Variants in SORCS1 observed in about 807,000 individuals in gnomAD.
The protein encoded by SORCS1 is sortilin related VPS10 domain containing receptor 1.
In SORCS1, 60 loss-of-function variants were observed where a neutral mutation model predicts 146.1. That is an observed-to-expected ratio of 0.41 (90% CI 0.33 to 0.51). SORCS1 has a LOEUF of 0.51. Ranked by LOEUF, SORCS1 falls within the 20% of genes least tolerant of loss-of-function variation. The probability of loss-of-function intolerance (pLI) is 0.21; values close to 1 mark genes in which losing one functional copy is unlikely to be tolerated. For missense variants in SORCS1, 1,352 were observed against 1,487.6 expected (o/e 0.91, Z 1.50); for synonymous variants, 637 against 584.0 (o/e 1.09, Z -1.31).
intron 1 of SORCS1, among the ~76,000 whole-genome samples, chr10:107,040,863 C>T (rs934720149): frequency 2.0e-5 from 3 of 152,090 alleles, no homozygotes; most frequent in Non-Finnish European, 2.9e-5. Flanking sequence ...ATGTCAATAC[C>T]TTTTAACCCA....
chr10:107,039,091 A>G (rs1399021118), intron 1 of SORCS1, among the ~76,000 whole-genome samples: 2 of 152,186 alleles, frequency 1.3e-5, no homozygotes, highest in East Asian at 3.9e-4. Flanking sequence ...GCACTTTGGG[A>G]GGCTGAGGCG....
intron 8 of SORCS1, among the ~76,000 whole-genome samples, chr10:106,705,684 A>T (rs1415738552): frequency 6.6e-6 from 1 of 152,156 alleles, no homozygotes; most frequent in Non-Finnish European, 1.5e-5. Flanking sequence ...TACAGTTCCT[A>T]GTCACTTCAA....
At chr10:106,815,912 T>A (rs967132894) in intron 3 of SORCS1, among the ~76,000 whole-genome samples, 2 of 152,218 alleles carry the variant, frequency 1.3e-5, no homozygotes, top group African/African-American at 4.8e-5. Context: ...TCTGTCAAGC[T>A]TTAACTTGCT....
chr10:106,920,591 T>G (rs957756729), intron 2 of SORCS1, among the ~76,000 whole-genome samples: 2 of 152,108 alleles, frequency 1.3e-5, no homozygotes, highest in Non-Finnish European at 2.9e-5. Context: ...AAAGGACGTG[T>G]GGTCATCTGC....
chr10:107,024,047 G>A (rs1340980760), intron 1 of SORCS1, among the ~76,000 whole-genome samples: 3 of 152,022 alleles, frequency 2.0e-5, no homozygotes, highest in Non-Finnish European at 4.4e-5. Flanking sequence ...GGTGGCGTAT[G>A]CCTGTAGTCC....
chr10:107,008,430 T>A (rs991075488), intron 1 of SORCS1, among the ~76,000 whole-genome samples: 1 of 152,210 alleles, frequency 6.6e-6, no homozygotes, highest in Non-Finnish European at 1.5e-5. Context: ...GCAAAGATAA[T>A]TCAAATACCT....
intron 1 of SORCS1, among the ~76,000 whole-genome samples, chr10:107,040,202 C>T (rs1959092622): frequency 6.6e-6 from 1 of 152,210 alleles, no homozygotes; most frequent in East Asian, 1.9e-4. Context: ...AGAGTAACAC[C>T]CTACTCTATG....
At chr10:106,905,767 T>C (rs570728273) in intron 2 of SORCS1, among the ~76,000 whole-genome samples, 3 of 152,216 alleles carry the variant, frequency 2.0e-5, no homozygotes, top group East Asian at 3.9e-4. Context: ...TTTACACAAG[T>C]GTGCCTGTAT....
chr10:106,936,643 A>G (rs1953736104), intron 2 of SORCS1, among the ~76,000 whole-genome samples: 1 of 152,236 alleles, frequency 6.6e-6, no homozygotes, highest in Admixed American at 6.5e-5. Flanking sequence ...GCTACTGTTC[A>G]GGAATTTCCT....
chr10:106,827,897 A>G (rs1171897246), intron 3 of SORCS1, among the ~76,000 whole-genome samples: 1 of 152,248 alleles, frequency 6.6e-6, no homozygotes, highest in East Asian at 1.9e-4. Context: ...AACACTAGCC[A>G]TATTTCAAAC....
At chr10:107,033,989 AAT>A (rs1958781110) in intron 1 of SORCS1, among the ~76,000 whole-genome samples, 1 of 152,198 alleles carries the variant, frequency 6.6e-6, no homozygotes, top group Admixed American at 6.5e-5. Flanking sequence ...AGTGAGATAC[AAT>A]TATAAGCCAG....
At chr10:106,758,553 C>T (rs1439811662) in intron 5 of SORCS1, among the ~76,000 whole-genome samples, 1 of 152,200 alleles carries the variant, frequency 6.6e-6, no homozygotes, top group East Asian at 1.9e-4. Context: ...AGGGGGACAA[C>T]ATTCATTTAT....
chr10:106,895,548 T>C (rs1335508136), intron 2 of SORCS1, among the ~76,000 whole-genome samples: 1 of 152,088 alleles, frequency 6.6e-6, no homozygotes, highest in Non-Finnish European at 1.5e-5. Context: ...GAGGAAGAGG[T>C]TGCAGTGAGC....
rs59467041 is a variant in SORCS1, at chr10:107,003,429, AGTGTGTGTGTGTGTGT to A, written c.559-46865_559-46850del. Among the ~76,000 whole-genome samples, 236 of 140,528 alleles carry A rather than the reference AGTGTGTGTGTGTGTGT, an allele frequency of 1.7e-3. 2 individuals are homozygous for A. The highest frequency in any genetic ancestry group is 1.3e-3 in the Admixed American group (18 of 13,746). 92.2% of individuals were successfully genotyped at this position (140,528 alleles called of 152,430 possible). A position where few individuals can be genotyped will look rare whatever the true frequency, so the allele number is the denominator to read the frequency against. On this transcript the variant is annotated intron_variant, in intron 1 of 25. Coordinates refer to ENST00000263054, the MANE Select transcript of SORCS1 (RefSeq NM_052918.5). ...ATAGAGAGAATAATAAATTCCCATA[AGTGTGTGTGTGTGTGT>A]GTGTGTGTGTGTGTGTGTGTGTGTG...
chr10:106,972,311 G>T (rs1376227849), intron 1 of SORCS1, among the ~76,000 whole-genome samples: 1 of 150,716 alleles, frequency 6.6e-6, no homozygotes, highest in Non-Finnish European at 1.5e-5. Flanking sequence ...AACCTAGGAG[G>T]CAGAGGTTGC....
intron 4 of SORCS1, among the ~76,000 whole-genome samples, chr10:106,769,888 C>T (rs536861990): frequency 5.3e-5 from 8 of 152,032 alleles, no homozygotes; most frequent in African/African-American, 1.2e-4. Context: ...GCCAGGAGTT[C>T]GAGACCAGCC....
At chr10:107,138,299 C>CAT (rs576062054) in intron 1 of SORCS1, among the ~76,000 whole-genome samples, 12 of 152,324 alleles carry the variant, frequency 7.9e-5, no homozygotes, top group Admixed American at 2.0e-4. Context: ...CCCACCTGTA[C>CAT]ATAAGAGAAA....
At chr10:106,677,448 A>T (rs746895827) in intron 12 of SORCS1, 44 bp from the exon 13 acceptor site, 1 of 1,528,408 alleles carries the variant, frequency 6.5e-7, no homozygotes, top group Non-Finnish European at 9.1e-7. Flanking sequence ...CCACATCCAC[A>T]CATACCCAGG....
intron 1 of SORCS1, among the ~76,000 whole-genome samples, chr10:107,050,917 A>G (rs983807647): frequency 1.3e-5 from 2 of 152,094 alleles, no homozygotes; most frequent in Non-Finnish European, 2.9e-5. Context: ...ATTCATTCAC[A>G]TATCCTTTCA....
Sources: allele counts gnomAD v4.1 joint callset (sites outside exome capture counted in the v4.1 genomes callset), GRCh38; gene constraint gnomAD v4.1.1; transcripts MANE v1.5; gene names NCBI Gene and HGNC (gene_info 2026-07-23, HGNC 2026-07-21).